The following SHLD2 variants were observed in gnomAD, a reference collection of about 807,000 sequenced individuals.
The protein encoded by SHLD2 is RINN1-REV7-interacting novel NHEJ regulator 2.
Under a neutral mutation model 73.2 loss-of-function variants are expected in SHLD2, and 30 were observed. That is an observed-to-expected ratio of 0.41 (90% CI 0.31 to 0.56). SHLD2 has a LOEUF of 0.56. Among genes scored for constraint, SHLD2 ranks in the 20% least tolerant of loss-of-function variants. SHLD2 has a pLI of 0.28. For synonymous variants in SHLD2, 285 were observed against 370.1 expected, an observed-to-expected ratio of 0.77 and a Z score of 2.64; for missense variants, 745 against 1,055.9, an observed-to-expected ratio of 0.71 and a Z score of 4.08.
intron 2 of SHLD2, among the ~76,000 whole-genome samples, chr10:87,127,657 T>C (rs1844133526): frequency 6.6e-6 from 1 of 150,932 alleles, no homozygotes; most frequent in South Asian, 2.1e-4. Context: ...TCAAGATCAT[T>C]GTGACAGTGA....
At chr10:87,169,593 A>C (rs1367156846) in intron 4 of SHLD2, among the ~76,000 whole-genome samples, 2 of 152,170 alleles carry the variant, frequency 1.3e-5, no homozygotes, top group Non-Finnish European at 2.9e-5. Flanking sequence ...CTTTCTAAAA[A>C]GTACTTAAGT....
At chr10:87,119,884 G>A (rs1843487222) in intron 2 of SHLD2, among the ~76,000 whole-genome samples, 1 of 151,886 alleles carries the variant, frequency 6.6e-6, no homozygotes, top group Non-Finnish European at 1.5e-5. Context: ...TGGAGTTTAT[G>A]GGCAGTACTT....
At chr10:87,143,878 T>TG (rs1845386624) in intron 2 of SHLD2, among the ~76,000 whole-genome samples, 3 of 148,912 alleles carry the variant, frequency 2.0e-5, no homozygotes, top group Admixed American at 6.7e-5. Flanking sequence ...TTTTTTTTTT[T>TG]TTTGTGACGG....
At chr10:87,188,145 G>A (rs1054126133) in intron 9 of SHLD2, among the ~76,000 whole-genome samples, 2 of 152,166 alleles carry the variant, frequency 1.3e-5, no homozygotes, top group African/African-American at 4.8e-5. Flanking sequence ...GTTCCTCTTT[G>A]ATTCTGGTCC....
intron 4 of SHLD2, among the ~76,000 whole-genome samples, chr10:87,158,573 G>A (rs1033096702): frequency 6.6e-6 from 1 of 152,038 alleles, no homozygotes; most frequent in African/African-American, 2.4e-5. Flanking sequence ...AATCCTTGAG[G>A]TAATAAAAAT....
At chr10:87,112,714 C>CAA (rs150119136) in intron 2 of SHLD2, among the ~76,000 whole-genome samples, 205 of 133,980 alleles carry the variant, frequency 1.5e-3, no homozygotes, top group African/African-American at 4.8e-3. Context: ...ACTTAAATCT[C>CAA]AAAAAAAAAA....
intron 2 of SHLD2, among the ~76,000 whole-genome samples, chr10:87,129,282 G>A (rs191097951): frequency 0.01 from 1,525 of 152,160 alleles, 17 homozygotes; most frequent in Non-Finnish European, 0.012. Context: ...GTAGGGACGG[G>A]GTTTCACCAT....
At chr10:87,113,331 C>T (rs1254227183) in intron 2 of SHLD2, among the ~76,000 whole-genome samples, 2 of 152,062 alleles carry the variant, frequency 1.3e-5, no homozygotes, top group Non-Finnish European at 2.9e-5. Flanking sequence ...TCTCAAAAAA[C>T]AAAACAAAAC....
At chr10:87,104,539 A>AG (rs1276267645) in intron 2 of SHLD2, among the ~76,000 whole-genome samples, 2 of 152,088 alleles carry the variant, frequency 1.3e-5, no homozygotes, top group African/African-American at 4.8e-5. Context: ...TGTCTCAGAA[A>AG]AAAAAAAAAA....
intron 2 of SHLD2, among the ~76,000 whole-genome samples, chr10:87,149,040 A>C (rs1335969275): frequency 2.0e-5 from 3 of 151,502 alleles, no homozygotes; most frequent in African/African-American, 7.3e-5. Flanking sequence ...GGCTTGTGCC[A>C]TCATGCCCTG....
chr10:87,144,485 A>T (rs1201339085), intron 2 of SHLD2, among the ~76,000 whole-genome samples: 2 of 152,176 alleles, frequency 1.3e-5, no homozygotes, highest in Admixed American at 6.5e-5. Flanking sequence ...ATACTAAATG[A>T]GCAATAGCTT....
chr10:87,139,422 TA>T (rs1400647993), intron 2 of SHLD2, among the ~76,000 whole-genome samples: 1 of 147,942 alleles, frequency 6.8e-6, no homozygotes, highest in Admixed American at 7.1e-5. Context: ...ATACAAATAA[TA>T]AGCAGGAAAA....
intron 2 of SHLD2, among the ~76,000 whole-genome samples, chr10:87,133,111 C>T (rs2134168074): frequency 6.6e-6 from 1 of 152,216 alleles, no homozygotes; most frequent in East Asian, 1.9e-4. Context: ...TCTTTCTTAA[C>T]TATATTGCTT....
At chr10:87,098,179 T>C (rs1383360694) in intron 2 of SHLD2, among the ~76,000 whole-genome samples, 1 of 152,158 alleles carries the variant, frequency 6.6e-6, no homozygotes. Flanking sequence ...ATTTGGAGTA[T>C]TTCTTTTCAC....
chr10:87,095,230 C>T lies in SHLD2; in HGVS notation c.-80C>T, dbSNP rs1316468053. ...CGGATTTGCCCGGAGGCCGCACCCG[C>T]CTCCGGCGGGGCTCTCAGGTATGTG... On this transcript the variant is annotated 5_prime_UTR_variant, in exon 1 of 10. Transcript: ENST00000298786. 2.0e-5 allele frequency: 3 copies of T among 148,440 alleles called. No homozygotes were observed. Among genetic ancestry groups the T allele is most frequent in the Admixed American group, 6.7e-5 (1 of 15,012 alleles). The allele number at this position is 148,440 out of a possible 1,614,324, so 9.2% of individuals were successfully genotyped here. A position where few individuals can be genotyped will look rare whatever the true frequency, so the allele number is the denominator to read the frequency against.
At chr10:87,147,070 A>C (rs1052072408) in intron 2 of SHLD2, among the ~76,000 whole-genome samples, 8 of 145,968 alleles carry the variant, frequency 5.5e-5, no homozygotes, top group Non-Finnish European at 1.2e-4. Context: ...AAAAAAAAAA[A>C]AGAAAAAAAA....
At chr10:87,095,788 C>T (rs1175226634) in intron 1 of SHLD2, among the ~76,000 whole-genome samples, 1 of 152,160 alleles carries the variant, frequency 6.6e-6, no homozygotes, top group Non-Finnish European at 1.5e-5. Flanking sequence ...GGCTCCGGCC[C>T]GGCGCGGTGG....
intron 4 of SHLD2, among the ~76,000 whole-genome samples, chr10:87,166,227 A>T (rs573636964): frequency 0.01 from 1,592 of 152,118 alleles, 17 homozygotes; most frequent in Non-Finnish European, 0.017. Flanking sequence ...TAAAACTGCC[A>T]TTATTATAGA....
intron 8 of SHLD2, among the ~76,000 whole-genome samples, chr10:87,186,077 G>GT (rs1222150059): frequency 6.6e-6 from 1 of 152,070 alleles, no homozygotes; most frequent in Non-Finnish European, 1.5e-5. Flanking sequence ...TTTTTCACTA[G>GT]TGGGTACCCA....
Sources: gnomAD v4.1 joint callset for allele counts (sites outside exome capture counted in the v4.1 genomes callset) on GRCh38, gnomAD v4.1.1 for gene constraint, MANE v1.5 for transcripts, NCBI Gene and HGNC (gene_info 2026-07-23, HGNC 2026-07-21) for gene names.